FAM135A: variants seen among roughly 807,000 people sequenced by gnomAD.
FAM135A encodes family with sequence similarity 135 member A, also known as protein FAM135A.
FAM135A carries 79 observed loss-of-function variants against 146.8 expected under a neutral mutation model. That is an observed-to-expected ratio of 0.54 (90% CI 0.45 to 0.65). FAM135A has a LOEUF of 0.65. Among genes scored for constraint, FAM135A ranks in the 30% least tolerant of loss-of-function variants. The pLI is 0.00. For synonymous variants in FAM135A, 562 were observed against 603.6 expected, an observed-to-expected ratio of 0.93 and a Z score of 1.01; for missense variants, 1,623 against 1,758.2, an observed-to-expected ratio of 0.92 and a Z score of 1.38.
rs1185751330 is a variant in FAM135A at position 70,561,114 on chromosome 6, C to T, written c.*1193C>T. ...ACAATTGATGCATGTTTATTTTTAG[C>T]GTTGTTATTGCCTCTGGTGTTAATA... On this transcript the variant is annotated 3_prime_UTR_variant, in exon 22 of 22. Coordinates refer to ENST00000418814, the MANE Select transcript of FAM135A (RefSeq NM_001162529.3). The T allele has an allele frequency of 2.0e-5, 3 of 152,400 alleles. No homozygotes were observed. The highest frequency in any genetic ancestry group is 2.9e-5 in the Non-Finnish European group (2 of 67,960). 9.4% of individuals were successfully genotyped at this position (152,400 alleles called of 1,614,324 possible). A position where few individuals can be genotyped will look rare whatever the true frequency, so the allele number is the denominator to read the frequency against.
rs1466583473 is a variant in FAM135A at position 70,560,916 on chromosome 6, GAT to G, written c.*1000_*1001del. On this transcript the variant is annotated 3_prime_UTR_variant, in exon 22 of 22. Coordinates refer to ENST00000418814, the MANE Select transcript of FAM135A (RefSeq NM_001162529.3). Reference sequence around the variant, plus strand: ...TGGTGATACAGATGCAAATGTTTTTGATATATGGAGATGTTGAGTCTTTTGAC... The same window carrying G: ...TGGTGATACAGATGCAAATGTTTTTGATATGGAGATGTTGAGTCTTTTGAC... The G allele has an allele frequency of 1.3e-5, 2 of 152,506 alleles. No individual in the cohort carries two copies. Among genetic ancestry groups the G allele is most frequent in the Non-Finnish European group, 2.9e-5 (2 of 67,966 alleles). The allele number at this position is 152,506 out of a possible 1,614,324, so 9.4% of individuals were successfully genotyped here. A position where few individuals can be genotyped will look rare whatever the true frequency, so the allele number is the denominator to read the frequency against.
chr6:70,492,282 A>T (rs1582516512), intron 11 of FAM135A, among the ~76,000 whole-genome samples: 2 of 151,944 alleles, frequency 1.3e-5, no homozygotes, highest in East Asian at 3.9e-4. Flanking sequence ...ATCAGGGTCT[A>T]TAAATATTGT....
intron 2 of FAM135A, among the ~76,000 whole-genome samples, chr6:70,419,808 A>AT (rs1768401066): frequency 6.6e-6 from 1 of 152,076 alleles, no homozygotes; most frequent in Non-Finnish European, 1.5e-5. Flanking sequence ...AAGTATGTAT[A>AT]TTTTTTGTAC....
At chr6:70,422,453 A>T (rs1426953799) in intron 2 of FAM135A, among the ~76,000 whole-genome samples, 1 of 152,148 alleles carries the variant, frequency 6.6e-6, no homozygotes, top group East Asian at 1.9e-4. Flanking sequence ...GAGGGGAGGT[A>T]GTGGAAAACA....
At chr6:70,464,761 A>T (rs535116745) in intron 5 of FAM135A, among the ~76,000 whole-genome samples, 26 of 136,308 alleles carry the variant, frequency 1.9e-4, no homozygotes, top group African/African-American at 6.5e-4. Flanking sequence ...CCGTCTTCCC[A>T]GTTCAAGCGA....
At chr6:70,424,590 GGATCCC>G (rs1316317948) in intron 2 of FAM135A, among the ~76,000 whole-genome samples, 1 of 152,194 alleles carries the variant, frequency 6.6e-6, no homozygotes, top group Admixed American at 6.5e-5. Context: ...CTGCAGAGCT[GGATCCC>G]TTTGTTTTGT....
intron 4 of FAM135A, among the ~76,000 whole-genome samples, chr6:70,437,813 C>G (rs1333408143): frequency 6.6e-6 from 1 of 152,038 alleles, no homozygotes; most frequent in East Asian, 1.9e-4. Context: ...ATGTTAGGCT[C>G]TTTGAAAAAC....
intron 12 of FAM135A, among the ~76,000 whole-genome samples, chr6:70,509,110 A>G (rs1376664161): frequency 6.6e-6 from 1 of 152,074 alleles, no homozygotes; most frequent in Non-Finnish European, 1.5e-5. Flanking sequence ...AGTATTCTGT[A>G]ATATTGCTCA....
chr6:70,490,128 T>C (rs999033884), intron 10 of FAM135A, among the ~76,000 whole-genome samples: 6 of 152,224 alleles, frequency 3.9e-5, no homozygotes, highest in Admixed American at 6.5e-5. Context: ...TTTTACAAAT[T>C]AGTCAGCTGA....
At chr6:70,547,921 C>T (rs73489063) in intron 20 of FAM135A, among the ~76,000 whole-genome samples, 6,504 of 152,200 alleles carry the variant, frequency 0.043, 299 homozygotes, top group African/African-American at 0.1. Context: ...GGTAACCGTT[C>T]AACAAATAAT....
chr6:70,453,413 TTTTA>T (rs887391568), intron 5 of FAM135A, among the ~76,000 whole-genome samples: 12 of 152,138 alleles, frequency 7.9e-5, no homozygotes, highest in African/African-American at 2.2e-4. Flanking sequence ...AATTTTTTAT[TTTTA>T]TTTTTTATTA....
chr6:70,425,964 G>A (rs1770000427), intron 2 of FAM135A, among the ~76,000 whole-genome samples: 1 of 152,014 alleles, frequency 6.6e-6, no homozygotes, highest in South Asian at 2.1e-4. Context: ...TTAGCCGGGC[G>A]CGGTGGCGGG....
chr6:70,544,599 G>A (rs957558864), intron 20 of FAM135A, among the ~76,000 whole-genome samples: 2 of 151,708 alleles, frequency 1.3e-5, no homozygotes, highest in African/African-American at 4.8e-5. Context: ...AAATTAGCTA[G>A]GCATGGTCAT....
chr6:70,552,124 T>G lies in FAM135A; in HGVS notation c.4229-4626T>G, dbSNP rs566761198. ...TTAAAAATATTGAATTTGAAAAAGT[T>G]AAACCTTTTAAGTGTACAATCTTCT... On this transcript the variant is annotated intron_variant, in intron 20 of 21. Coordinates refer to ENST00000418814, the MANE Select transcript of FAM135A (RefSeq NM_001162529.3). Among the ~76,000 whole-genome samples, 504 of 152,300 alleles carry G rather than the reference T, an allele frequency of 3.3e-3. 4 individuals carry two copies. Among genetic ancestry groups the G allele is most frequent in the African/African-American group, 0.011 (477 of 41,566 alleles).
At position 70,450,716 on chromosome 6, in the gene FAM135A, G is replaced by GTTTTTTTTTTTTTTTTTTTTTTTT. The variant is rs546674936; in HGVS notation, c.78-1757_78-1734dup. ...CTCAGGGAGTGTGACCCTTTTAGTT[G>GTTTTTTTTTTTTTTTTTTTTTTTT]TTTTTTTTTTTTTTTTTTTTTTTTT... On this transcript the variant is annotated intron_variant, in intron 4 of 21. Transcript: ENST00000418814. Among the ~76,000 whole-genome samples the GTTTTTTTTTTTTTTTTTTTTTTTT allele has an allele frequency of 2.8e-4, 8 of 28,348 alleles. 4 individuals are homozygous for GTTTTTTTTTTTTTTTTTTTTTTTT. Among genetic ancestry groups the GTTTTTTTTTTTTTTTTTTTTTTTT allele is most frequent in the Non-Finnish European group, 6.1e-4 (8 of 13,088 alleles). The allele number at this position is 28,348 out of a possible 152,430, so 18.6% of individuals were successfully genotyped here. A position where few individuals can be genotyped will look rare whatever the true frequency, so the allele number is the denominator to read the frequency against.
At chr6:70,473,885 C>T (rs1782091973) in intron 5 of FAM135A, among the ~76,000 whole-genome samples, 2 of 152,184 alleles carry the variant, frequency 1.3e-5, no homozygotes, top group Non-Finnish European at 1.5e-5. Context: ...CCAGGCTGCT[C>T]CTCTGTAAAG....
At chr6:70,500,521 T>G (rs1247111341) in intron 11 of FAM135A, among the ~76,000 whole-genome samples, 1 of 152,214 alleles carries the variant, frequency 6.6e-6, no homozygotes, top group African/African-American at 2.4e-5. Context: ...TTTTGTGTCC[T>G]TGCTGGAGAG....
At chr6:70,540,258 CCTT>C (rs1797634457) in intron 20 of FAM135A, among the ~76,000 whole-genome samples, 1 of 151,470 alleles carries the variant, frequency 6.6e-6, no homozygotes, top group Non-Finnish European at 1.5e-5. Context: ...GATGTCTTAT[CCTT>C]CTTTTTCTCT....
chr6:70,524,155 G>A (rs773144955), intron 14 of FAM135A, 34 bp downstream of exon 14: 45 of 1,562,134 alleles, frequency 2.9e-5, no homozygotes, highest in Middle Eastern at 1.7e-4. Context: ...TACAAGCTAT[G>A]TGTATAGTTT....
Sources: allele counts gnomAD v4.1 joint callset (sites outside exome capture counted in the v4.1 genomes callset), GRCh38; gene constraint gnomAD v4.1.1; transcripts MANE v1.5; gene names NCBI Gene and HGNC (gene_info 2026-07-23, HGNC 2026-07-21).